Variants in DLGAP1 observed in about 807,000 individuals in gnomAD.
DLGAP1 encodes the protein DLG associated protein 1.
In DLGAP1, 11 loss-of-function variants were observed where a neutral mutation model predicts 90.8. That is an observed-to-expected ratio of 0.12 (90% CI 0.08 to 0.20). The LOEUF is 0.20. Ranked by LOEUF, DLGAP1 falls within the 10% of genes least tolerant of loss-of-function variation. DLGAP1 has a pLI of 1.00. For synonymous variants in DLGAP1, 558 were observed against 540.7 expected, an observed-to-expected ratio of 1.03 and a Z score of -0.44; for missense variants, 1,050 against 1,333.8, an observed-to-expected ratio of 0.79 and a Z score of 3.31.
At position 3,970,248 on chromosome 18, in the gene DLGAP1, T is replaced by C. The variant is rs190786041; in HGVS notation, c.-73+34868A>G. Reference sequence around the variant, plus strand: ...TTTGGCTAAATAATCAGAGTTTTAGTTTTAAATCTCATAGAGAATAAATGA... The same window carrying C: ...TTTGGCTAAATAATCAGAGTTTTAGCTTTAAATCTCATAGAGAATAAATGA... On this transcript the variant is annotated intron_variant, in intron 3 of 12. Coordinates refer to ENST00000315677, the MANE Select transcript of DLGAP1 (RefSeq NM_004746.4). Among the ~76,000 whole-genome samples, 315 of 152,318 alleles carry C rather than the reference T, an allele frequency of 2.1e-3. 3 individuals are homozygous for C. Among genetic ancestry groups the C allele is most frequent in the Middle Eastern group, 0.017 (5 of 294 alleles).
chr18:3,703,247 G>C (rs980196058), intron 7 of DLGAP1, among the ~76,000 whole-genome samples: 1 of 152,196 alleles, frequency 6.6e-6, no homozygotes, highest in African/African-American at 2.4e-5. Flanking sequence ...GCGCTGTCCT[G>C]ACAAAAGACC....
At chr18:3,851,435 A>G (rs2069335963) in intron 4 of DLGAP1, among the ~76,000 whole-genome samples, 1 of 152,198 alleles carries the variant, frequency 6.6e-6, no homozygotes, top group Non-Finnish European at 1.5e-5. Context: ...GATGGATCAT[A>G]TTATGAAGAA....
At chr18:3,941,827 C>A (rs1011774323) in intron 3 of DLGAP1, among the ~76,000 whole-genome samples, 5 of 152,200 alleles carry the variant, frequency 3.3e-5, no homozygotes, top group Admixed American at 2.0e-4. Context: ...GTCCTCCCAA[C>A]TCAGCCTCCC....
At chr18:4,432,502 T>C (rs563770820) in intron 1 of DLGAP1, among the ~76,000 whole-genome samples, 1 of 152,044 alleles carries the variant, frequency 6.6e-6, no homozygotes, top group Non-Finnish European at 1.5e-5. Flanking sequence ...AAAAATTATA[T>C]ATATTTACAG....
In DLGAP1 at chr18:4,207,262, G is replaced by A. The variant is rs1275267641; in HGVS notation, c.-266-55975C>T. ...GTGAAGCAAACACATCCCTCACATGGTGGCAGGGAGAAGAAGAATGACAGC... is the reference window on the plus strand; with the variant it reads ...GTGAAGCAAACACATCCCTCACATGATGGCAGGGAGAAGAAGAATGACAGC... On this transcript the variant is annotated intron_variant, in intron 1 of 12. Transcript: ENST00000315677. Among the ~76,000 whole-genome samples, 9 of 152,138 alleles carry A rather than the reference G, an allele frequency of 5.9e-5. No homozygotes were observed. The East Asian group carries it at 1.5e-3, about 26-fold the overall frequency.
chr18:3,926,712 A>T (rs1433826875), intron 3 of DLGAP1, among the ~76,000 whole-genome samples: 1 of 152,154 alleles, frequency 6.6e-6, no homozygotes, highest in Non-Finnish European at 1.5e-5. Context: ...ATACGTACAT[A>T]TTCACATATT....
intron 7 of DLGAP1, among the ~76,000 whole-genome samples, chr18:3,598,572 A>G (rs1439450351): frequency 6.9e-6 from 1 of 144,776 alleles, no homozygotes; most frequent in African/African-American, 2.6e-5. Context: ...GGTTCAAGCT[A>G]TTCTCCTGAC....
At chr18:3,772,380 CTTTCTT>C (rs200351537) in intron 5 of DLGAP1, among the ~76,000 whole-genome samples, 9,126 of 29,202 alleles carry the variant, frequency 0.31, 1,373 homozygotes, top group Non-Finnish European at 0.47. Flanking sequence ...TTCTTTCTTT[CTTTCTT>C]TCTTTCTTTC....
At chr18:3,806,180 T>C (rs1733087624) in intron 5 of DLGAP1, among the ~76,000 whole-genome samples, 1 of 152,130 alleles carries the variant, frequency 6.6e-6, no homozygotes, top group African/African-American at 2.4e-5. Flanking sequence ...GTAAAGCTAA[T>C]AACGAACTAT....
At chr18:4,334,341 T>C (rs939549707) in intron 1 of DLGAP1, among the ~76,000 whole-genome samples, 1 of 151,816 alleles carries the variant, frequency 6.6e-6, no homozygotes, top group Non-Finnish European at 1.5e-5. Flanking sequence ...TTTGTGGTAA[T>C]ACTTTAGTGT....
chr18:3,552,696 T>C (rs965928047), intron 9 of DLGAP1, among the ~76,000 whole-genome samples: 25 of 152,206 alleles, frequency 1.6e-4, no homozygotes, highest in Non-Finnish European at 4.4e-5. Context: ...CCCTTAGTTT[T>C]AGCCTCTGAA....
intron 1 of DLGAP1, among the ~76,000 whole-genome samples, chr18:4,325,346 A>G (rs976817355): frequency 2.0e-5 from 3 of 152,310 alleles, no homozygotes; most frequent in Admixed American, 2.0e-4. Context: ...AATACTGCTG[A>G]AAGAAATCAG....
At chr18:3,736,265 T>G (rs971404653) in intron 6 of DLGAP1, among the ~76,000 whole-genome samples, 3 of 152,226 alleles carry the variant, frequency 2.0e-5, no homozygotes, top group Non-Finnish European at 4.4e-5. Flanking sequence ...AATACAATTC[T>G]TTCTTCTCAA....
chr18:3,600,967 T>TA (rs2056963983), intron 7 of DLGAP1, among the ~76,000 whole-genome samples: 1 of 84,904 alleles, frequency 1.2e-5, no homozygotes, highest in Non-Finnish European at 2.4e-5. Flanking sequence ...TATAGATATA[T>TA]AGATAGATAT....
At chr18:3,923,041 A>C (rs546649862) in intron 3 of DLGAP1, among the ~76,000 whole-genome samples, 58 of 147,620 alleles carry the variant, frequency 3.9e-4, no homozygotes, top group African/African-American at 1.3e-3. Context: ...GGCTGAAGTG[A>C]GAGGATCACT....
intron 11 of DLGAP1, among the ~76,000 whole-genome samples, chr18:3,506,688 G>A (rs2050246381): frequency 6.6e-6 from 1 of 151,994 alleles, no homozygotes; most frequent in Non-Finnish European, 1.5e-5. Flanking sequence ...GGTATGTTGT[G>A]TTTTCCCTGT....
rs546537203 is a variant in DLGAP1, at chr18:3,648,561, A to C, written c.1592-66313T>G. On this transcript the variant is annotated intron_variant, in intron 7 of 12. Transcript: ENST00000315677. ...ACTATAGTTTTAGACTGAAAATATC[A>C]AGGCCATTTTCTAAATTCGGGCTTG... is the stretch of plus-strand genomic sequence containing the variant. 3.9e-5 allele frequency among the ~76,000 whole-genome samples: 6 copies of C among 152,340 alleles called. No individual in the cohort carries two copies. The East Asian group carries it at 5.8e-4, about 15-fold the overall frequency.
intron 2 of DLGAP1, among the ~76,000 whole-genome samples, chr18:4,048,698 C>T (rs1022251230): frequency 2.6e-5 from 4 of 152,158 alleles, no homozygotes; most frequent in Non-Finnish European, 5.9e-5. Flanking sequence ...ACAATTCTGA[C>T]TATAAGTGCC....
At chr18:3,538,426 C>T (rs1039745426) in intron 9 of DLGAP1, among the ~76,000 whole-genome samples, 1 of 151,594 alleles carries the variant, frequency 6.6e-6, no homozygotes, top group African/African-American at 2.4e-5. Flanking sequence ...GTGTGAAAAT[C>T]TGAATGCAAT....
Sources: allele counts gnomAD v4.1 joint callset (sites outside exome capture counted in the v4.1 genomes callset), GRCh38; gene constraint gnomAD v4.1.1; transcripts MANE v1.5; gene names NCBI Gene and HGNC (gene_info 2026-07-23, HGNC 2026-07-21).